MYCBP2: variants seen among roughly 807,000 people sequenced by gnomAD.
MYCBP2 encodes MYC binding protein 2.
In MYCBP2, 120 loss-of-function variants were observed where a neutral mutation model predicts 525.3. That is an observed-to-expected ratio of 0.23 (90% confidence interval 0.20 to 0.27). MYCBP2 has a LOEUF of 0.27. Ranked by LOEUF, MYCBP2 falls within the 10% of genes least tolerant of loss-of-function variation. MYCBP2 has a pLI of 1.00. For synonymous variants in MYCBP2, 1,894 were observed against 1,955.8 expected (o/e 0.97, Z 0.83); for missense variants, 4,149 against 5,657.1 (o/e 0.73, Z 8.55).
At position 77,252,596 on chromosome 13, in the gene MYCBP2, T is replaced by G. The variant is rs1594357610; in HGVS notation, c.2177-1241A>C. Among the ~76,000 whole-genome samples the G allele has an allele frequency of 3.3e-5, 5 of 152,270 alleles. No individual in the cohort carries two copies. The South Asian group carries it at 1.0e-3, about 32-fold the overall frequency. ...ATGAGGTTAAGTCTTGCTCATAATA[T>G]CTCTTATTCTTAGTCAATCTTATTC... On this transcript the variant is annotated intron_variant, in intron 14 of 82. Transcript: ENST00000544440.
intron 65 of MYCBP2, 110 bp from the exon 66 acceptor site, chr13:77,078,999 G>T: frequency 1.1e-6 from 1 of 879,290 alleles, no homozygotes; most frequent in Non-Finnish European, 1.8e-6. Context: ...TGTCTCTTAT[G>T]GTCCTTCCTG....
intron 18 of MYCBP2, 64 bp from the exon 19 acceptor site, chr13:77,225,618 A>C: frequency 6.3e-7 from 1 of 1,589,484 alleles, no homozygotes; most frequent in Non-Finnish European, 8.6e-7. Flanking sequence ...TAAAAATTTA[A>C]ATCAGTTTAT....
At position 77,090,167 on chromosome 13, in the gene MYCBP2, G is replaced by A; in HGVS notation, c.10464C>T (p.His3488=). 6.2e-7 allele frequency: 1 copy of A among 1,612,766 alleles called. No homozygotes were observed. The highest frequency in any genetic ancestry group is 8.5e-7 in the Non-Finnish European group (1 of 1,179,216). Residue 3488 remains histidine (H), a synonymous_variant, in exon 60 of 83, where the codon CAC becomes CAT. Coordinates refer to ENST00000544440, the MANE Select transcript of MYCBP2 (RefSeq NM_015057.5). ...CTTTAACTCGTGCAGGTAAAATGGA[G>A]TGTTGTTTATCATATTCGGAAGCAA... ...SVVASEYDKQ[H]SILPARVKAI...
Position 77,078,909 on chromosome 13 carries a change from A to T in MYCBP2, c.11419-20T>A. On this transcript the variant is annotated intron_variant, in intron 65 of 82. Coordinates refer to ENST00000544440, the MANE Select transcript of MYCBP2 (RefSeq NM_015057.5). ...TTTATTCTGAAATAGACAATTCACAATAGTTAATATGCTATATTCCTGCTT... is the reference window on the plus strand; with the variant it reads ...TTTATTCTGAAATAGACAATTCACATTAGTTAATATGCTATATTCCTGCTT... 6.3e-7 allele frequency: 1 copy of T among 1,583,098 alleles called. No homozygotes were observed. Among genetic ancestry groups the T allele is most frequent in the Non-Finnish European group, 8.7e-7 (1 of 1,152,684 alleles).
At chr13:77,242,010 G>C (rs552836964) in intron 17 of MYCBP2, among the ~76,000 whole-genome samples, 1 of 151,740 alleles carries the variant, frequency 6.6e-6, no homozygotes, top group African/African-American at 2.4e-5. Context: ...ATAACAATTT[G>C]TCTTAATCCT....
At chr13:77,067,082 A>G (rs894046767) in intron 71 of MYCBP2, among the ~76,000 whole-genome samples, 4 of 152,308 alleles carry the variant, frequency 2.6e-5, no homozygotes, top group African/African-American at 9.6e-5. Context: ...TCATTTTTAT[A>G]TAGTCAAATC....
At chr13:77,287,093 T>A (rs999243565) in intron 3 of MYCBP2, among the ~76,000 whole-genome samples, 29 of 151,420 alleles carry the variant, frequency 1.9e-4, no homozygotes, top group Non-Finnish European at 2.8e-4. Flanking sequence ...TTCACCGTGT[T>A]AGCCAGGATG....
At chr13:77,314,942 T>A (rs111683492) in intron 1 of MYCBP2, among the ~76,000 whole-genome samples, 11 of 152,126 alleles carry the variant, frequency 7.2e-5, no homozygotes, top group Middle Eastern at 3.4e-3. Flanking sequence ...ATATTTTTTT[T>A]AAAAAAGGAG....
At chr13:77,310,523 C>T (rs1401610122) in intron 1 of MYCBP2, among the ~76,000 whole-genome samples, 4 of 151,994 alleles carry the variant, frequency 2.6e-5, no homozygotes, top group Non-Finnish European at 5.9e-5. Context: ...CTCTATGGCC[C>T]ATAAAGTCTA....
intron 48 of MYCBP2, among the ~76,000 whole-genome samples, chr13:77,144,851 A>G (rs991023903): frequency 1.3e-5 from 2 of 152,058 alleles, no homozygotes; most frequent in African/African-American, 4.8e-5. Flanking sequence ...TAATAAACCT[A>G]CTTTCCCCTG....
intron 23 of MYCBP2, among the ~76,000 whole-genome samples, chr13:77,207,454 T>C (rs1246201336): frequency 6.6e-6 from 1 of 152,088 alleles, no homozygotes; most frequent in Non-Finnish European, 1.5e-5. Flanking sequence ...GGTCGGGAAG[T>C]GAGGGATGCA....
intron 55 of MYCBP2, among the ~76,000 whole-genome samples, chr13:77,117,885 A>G (rs2050049459): frequency 6.6e-6 from 1 of 152,202 alleles, no homozygotes; most frequent in Non-Finnish European, 1.5e-5. Flanking sequence ...TTAACATATT[A>G]GGAACAACAA....
At chr13:77,085,738 A>G (rs1355329457) in intron 62 of MYCBP2, among the ~76,000 whole-genome samples, 1 of 152,142 alleles carries the variant, frequency 6.6e-6, no homozygotes, top group African/African-American at 2.4e-5. Flanking sequence ...CTAGGCCAGC[A>G]TTCTGGAGGA....
intron 26 of MYCBP2, among the ~76,000 whole-genome samples, chr13:77,203,686 A>C (rs998118847): frequency 7.1e-4 from 108 of 152,362 alleles, no homozygotes; most frequent in African/African-American, 2.2e-3. Flanking sequence ...TGGTATTGGT[A>C]CCAAAACAGA....
At chr13:77,231,358 G>A (rs768284202) in intron 18 of MYCBP2, among the ~76,000 whole-genome samples, 59 of 152,148 alleles carry the variant, frequency 3.9e-4, no homozygotes, top group Non-Finnish European at 7.1e-4. Flanking sequence ...AGCTTCCTGA[G>A]TACCTGGGAT....
chr13:77,276,311 A>G (rs1261008649), intron 4 of MYCBP2, among the ~76,000 whole-genome samples: 3 of 152,202 alleles, frequency 2.0e-5, no homozygotes, highest in African/African-American at 7.2e-5. Context: ...AAATATACAC[A>G]TATTTTCATG....
intron 1 of MYCBP2, among the ~76,000 whole-genome samples, chr13:77,323,804 T>C (rs1457217671): frequency 6.6e-6 from 1 of 152,176 alleles, no homozygotes; most frequent in Non-Finnish European, 1.5e-5. Flanking sequence ...ATGCCTATCC[T>C]CAATAAACTC....
Position 77,055,536 on chromosome 13 carries a change from C to T in MYCBP2, c.13647+22G>A, listed in dbSNP as rs1213496719. On this transcript the variant is annotated intron_variant, in intron 80 of 82. Coordinates refer to ENST00000544440, the MANE Select transcript of MYCBP2 (RefSeq NM_015057.5). Reference sequence around the variant, plus strand: ...AGGTAAGCTCTAGTTTTTAAAACTTCTCAGTATAATTTATAGCATACCTTT... The same window carrying T: ...AGGTAAGCTCTAGTTTTTAAAACTTTTCAGTATAATTTATAGCATACCTTT... 3.1e-6 allele frequency: 5 copies of T among 1,595,968 alleles called. No homozygotes were observed. The Admixed American group carries it at 8.4e-5, about 27-fold the overall frequency.
In MYCBP2 at chr13:77,288,321, G is replaced by A; in HGVS notation, c.434C>T (p.Pro145Leu). Residue 145 changes from proline (P) to leucine (L), a missense_variant, in exon 3 of 83, where the codon CCT (proline) becomes CTT (leucine). Pro to Leu is a moderately conservative substitution (Grantham distance 98, BLOSUM62 -3). This residue lies in a region of MYCBP2 where 413 missense variants were observed against 451.2 expected (regional missense o/e 0.92). Transcript: ENST00000544440. ...ATTACAGTAAATATTGAAAGCAGAA[G>A]GATTGCTATGTAGTTTGATATCTGG... ...IIPDIKLHSNPSAFNIYCNVR... is the reference protein window; with the variant it reads ...IIPDIKLHSNLSAFNIYCNVR... 6.2e-7 allele frequency: 1 copy of A among 1,614,122 alleles called. No homozygotes were observed. Among genetic ancestry groups the A allele is most frequent in the South Asian group, 1.1e-5 (1 of 91,076 alleles).
Sources: gnomAD v4.1 joint callset for allele counts (sites outside exome capture counted in the v4.1 genomes callset) on GRCh38, gnomAD v4.1.1 for gene constraint, gnomAD v4.1.1 regional missense constraint, MANE v1.5 for transcripts, NCBI Gene and HGNC (gene_info 2026-07-23, HGNC 2026-07-21) for gene names.